Variants in ARHGAP6 observed in about 807,000 individuals in gnomAD.
ARHGAP6 encodes the protein rho GTPase-activating protein 6.
In ARHGAP6, 16 loss-of-function variants were observed where a neutral mutation model predicts 55.7. That is an observed-to-expected ratio of 0.29 (90% CI 0.19 to 0.44). The LOEUF (loss-of-function observed/expected upper bound fraction) is 0.44. Among genes scored for constraint, ARHGAP6 ranks in the 20% least tolerant of loss-of-function variants. The pLI is 1.00. For missense variants in ARHGAP6, 698 were observed against 808.9 expected, an observed-to-expected ratio of 0.86 and a Z score of 1.66; for synonymous variants, 382 against 360.9, an observed-to-expected ratio of 1.06 and a Z score of -0.66.
At chrX:11,647,105 G>A (rs755144510) in intron 1 of ARHGAP6, among the ~76,000 whole-genome samples, 113 of 112,136 alleles carry the variant, frequency 1.0e-3, no homozygotes, top group African/African-American at 3.6e-3. Flanking sequence ...ACCATACTTT[G>A]TTCTCTAGAG....
At chrX:11,153,918 T>C (rs2045826159) in intron 10 of ARHGAP6, among the ~76,000 whole-genome samples, 1 of 110,900 alleles carries the variant, frequency 9.0e-6, no homozygotes, top group Non-Finnish European at 1.9e-5. Flanking sequence ...ACCCATTAAC[T>C]CGTCATTTAG....
intron 1 of ARHGAP6, among the ~76,000 whole-genome samples, chrX:11,315,593 CT>C (rs1325967866): frequency 8.9e-6 from 1 of 111,810 alleles, no homozygotes; most frequent in Non-Finnish European, 1.9e-5. Context: ...AAGACGAAGG[CT>C]GTTTTTTCTC....
At chrX:11,503,958 G>T (rs931705586) in intron 1 of ARHGAP6, among the ~76,000 whole-genome samples, 2 of 111,042 alleles carry the variant, frequency 1.8e-5, no homozygotes, top group Non-Finnish European at 3.8e-5. Flanking sequence ...CTTATACAAT[G>T]TCCCACATAT....
intron 1 of ARHGAP6, among the ~76,000 whole-genome samples, chrX:11,624,992 C>T (rs1188210028): frequency 9.0e-6 from 1 of 111,639 alleles, no homozygotes; most frequent in Admixed American, 9.5e-5. Context: ...GGCTTATATC[C>T]AAAAGACAGA....
chrX:11,510,099 T>A (rs769980813), intron 1 of ARHGAP6, among the ~76,000 whole-genome samples: 3 of 112,202 alleles, frequency 2.7e-5, no homozygotes, highest in Non-Finnish European at 5.6e-5. Context: ...ATATGTAATG[T>A]GTACTTTCCT....
intron 9 of ARHGAP6, among the ~76,000 whole-genome samples, chrX:11,164,145 T>C (rs748217224): frequency 8.9e-6 from 1 of 112,469 alleles, no homozygotes; most frequent in Non-Finnish European, 1.9e-5. Flanking sequence ...ATTTCCAGAT[T>C]GGCTAAAACA....
intron 1 of ARHGAP6, among the ~76,000 whole-genome samples, chrX:11,379,381 A>G (rs763567294): frequency 2.9e-4 from 33 of 112,186 alleles, no homozygotes; most frequent in African/African-American, 1.1e-3. Context: ...TGGGTCCATC[A>G]ATACATGCTA....
chrX:11,430,776 C>CA (rs1569341783), intron 1 of ARHGAP6, among the ~76,000 whole-genome samples: 1 of 111,623 alleles, frequency 9.0e-6, no homozygotes, highest in East Asian at 2.8e-4. Context: ...TATGGGGTAA[C>CA]AGTGTAATTT....
intron 1 of ARHGAP6, among the ~76,000 whole-genome samples, chrX:11,575,983 G>A (rs950542562): frequency 3.6e-5 from 4 of 111,897 alleles, no homozygotes; most frequent in African/African-American, 1.3e-4. Context: ...CTTTCTTTCC[G>A]TATATTTCAC....
chrX:11,527,011 A>AGTGTGT (rs59668043), intron 1 of ARHGAP6, among the ~76,000 whole-genome samples: 2,570 of 80,999 alleles, frequency 0.032, 51 homozygotes, highest in Middle Eastern at 0.065. Flanking sequence ...TAATATGAGG[A>AGTGTGT]GTGTGTGTGT....
At chrX:11,302,244 A>G (rs993049234) in intron 1 of ARHGAP6, among the ~76,000 whole-genome samples, 10 of 112,530 alleles carry the variant, frequency 8.9e-5, no homozygotes, top group African/African-American at 3.2e-4. Flanking sequence ...TATTTCCATC[A>G]CCATTCAGTT....
intron 1 of ARHGAP6, among the ~76,000 whole-genome samples, chrX:11,583,631 G>T (rs2051690094): frequency 8.9e-6 from 1 of 111,867 alleles, no homozygotes; most frequent in African/African-American, 3.2e-5. Flanking sequence ...TTTTAATGGA[G>T]AATTATTACA....
intron 10 of ARHGAP6, among the ~76,000 whole-genome samples, chrX:11,152,068 G>T (rs1014319433): frequency 1.2e-4 from 13 of 112,107 alleles, no homozygotes; most frequent in Middle Eastern, 4.6e-3. Context: ...TGATATACCA[G>T]ACTATACACT....
intron 1 of ARHGAP6, among the ~76,000 whole-genome samples, chrX:11,399,240 AC>A (rs1490516999): frequency 9.2e-6 from 1 of 109,219 alleles, no homozygotes; most frequent in Non-Finnish European, 1.9e-5. Flanking sequence ...GGCTGTTATT[AC>A]TGCACCCATC....
At chrX:11,508,464 G>C (rs2050754573) in intron 1 of ARHGAP6, among the ~76,000 whole-genome samples, 2 of 111,755 alleles carry the variant, frequency 1.8e-5, no homozygotes, top group Admixed American at 1.9e-4. Flanking sequence ...AATAGCTGTA[G>C]TTTCAGAGAT....
At chrX:11,401,819 A>G (rs1161297133) in intron 1 of ARHGAP6, among the ~76,000 whole-genome samples, 1 of 112,709 alleles carries the variant, frequency 8.9e-6, no homozygotes, top group Non-Finnish European at 1.9e-5. Context: ...CTTAAATAAA[A>G]CCATATGATT....
chrX:11,655,080 T>C lies in ARHGAP6; in HGVS notation c.588+9161A>G, dbSNP rs768200860. ...CTCCCTACCAGCCTCTGACAACAAG[T>C]AATCTTTTTGTCTCTATGGATTTGC... is the stretch of plus-strand genomic sequence containing the variant. On this transcript the variant is annotated intron_variant, in intron 1 of 12. Transcript: ENST00000337414. 1.1e-4 allele frequency among the ~76,000 whole-genome samples: 12 copies of C among 112,007 alleles called. No homozygotes were observed. The South Asian group carries it at 4.1e-3, about 38-fold the overall frequency.
At chrX:11,587,938 C>T (rs1190589123) in intron 1 of ARHGAP6, among the ~76,000 whole-genome samples, 1 of 112,494 alleles carries the variant, frequency 8.9e-6, no homozygotes, top group Non-Finnish European at 1.9e-5. Context: ...GTTTCAGTGG[C>T]ATGATCTTTT....
At chrX:11,621,524 T>C (rs898862822) in intron 1 of ARHGAP6, among the ~76,000 whole-genome samples, 12 of 111,459 alleles carry the variant, frequency 1.1e-4, no homozygotes, top group South Asian at 3.7e-4. Flanking sequence ...GGATAAACTT[T>C]AGATTTGAGG....
Sources: gnomAD v4.1 joint callset for allele counts (sites outside exome capture counted in the v4.1 genomes callset) on GRCh38, gnomAD v4.1.1 for gene constraint, MANE v1.5 for transcripts, NCBI Gene and HGNC (gene_info 2026-07-23, HGNC 2026-07-21) for gene names.